CNBD1: variants seen among roughly 807,000 people sequenced by gnomAD.
The protein encoded by CNBD1 is cyclic nucleotide-binding domain-containing protein 1.
CNBD1 carries 71 observed loss-of-function variants against 54.4 expected under a neutral mutation model. That is an observed-to-expected ratio of 1.30 (90% CI 1.08 to 1.59). The LOEUF is 1.59. CNBD1 is among the 40% of genes most tolerant of loss of function. The pLI, the probability that CNBD1 is intolerant of heterozygous loss-of-function variation, is 0.00. For missense variants in CNBD1, 659 were observed against 518.0 expected (o/e 1.27, Z -2.64); for synonymous variants, 182 against 170.7 (o/e 1.07, Z -0.51).
At chr8:87,238,917 C>G (rs1807634906) in intron 6 of CNBD1, among the ~76,000 whole-genome samples, 1 of 152,020 alleles carries the variant, frequency 6.6e-6, no homozygotes. Context: ...ATGCCATGGT[C>G]CTTATAAATA....
intron 4 of CNBD1, among the ~76,000 whole-genome samples, chr8:86,964,496 C>T (rs181617780): frequency 6.6e-6 from 1 of 152,332 alleles, no homozygotes; most frequent in Non-Finnish European, 1.5e-5. Context: ...GACATCCTTC[C>T]ATGAGAGTTC....
intron 4 of CNBD1, among the ~76,000 whole-genome samples, chr8:86,992,158 C>T (rs1808764248): frequency 6.6e-6 from 1 of 152,038 alleles, no homozygotes; most frequent in South Asian, 2.1e-4. Context: ...TTTCATAGGT[C>T]AAGGATAACT....
chr8:87,214,523 C>T (rs1158406551), intron 5 of CNBD1, among the ~76,000 whole-genome samples: 3 of 152,138 alleles, frequency 2.0e-5, no homozygotes, highest in Non-Finnish European at 4.4e-5. Context: ...ACCTGTTACC[C>T]AGTTTCAAAA....
chr8:86,869,478 C>T (rs1175505530), intron 1 of CNBD1, among the ~76,000 whole-genome samples: 2 of 152,208 alleles, frequency 1.3e-5, no homozygotes, highest in Non-Finnish European at 2.9e-5. Context: ...AACCCTCCTC[C>T]ACTGCTATCT....
At chr8:87,150,700 T>A (rs995942900) in intron 4 of CNBD1, among the ~76,000 whole-genome samples, 10 of 152,122 alleles carry the variant, frequency 6.6e-5, no homozygotes, top group African/African-American at 2.2e-4. Context: ...TACTACAGAA[T>A]GTTGTGGGGA....
At chr8:87,351,875 A>T in intron 9 of CNBD1, 81 bp downstream of exon 9, 1 of 1,245,026 alleles carries the variant, frequency 8.0e-7, no homozygotes, top group South Asian at 2.3e-5. Flanking sequence ...TGTACTTACT[A>T]GACATTTATT....
At chr8:86,920,489 C>G (rs1057230887) in intron 3 of CNBD1, among the ~76,000 whole-genome samples, 2 of 152,094 alleles carry the variant, frequency 1.3e-5, no homozygotes, top group Non-Finnish European at 1.5e-5. Context: ...ACCACCAACA[C>G]AGAACTTAAT....
chr8:87,112,960 A>G (rs369079927), intron 4 of CNBD1, among the ~76,000 whole-genome samples: 2 of 152,178 alleles, frequency 1.3e-5, no homozygotes, highest in African/African-American at 4.8e-5. Flanking sequence ...GAAGATCAGG[A>G]TGGGGGAAGA....
intron 4 of CNBD1, among the ~76,000 whole-genome samples, chr8:87,085,085 T>C (rs189750726): frequency 2.4e-3 from 365 of 152,350 alleles, no homozygotes; most frequent in African/African-American, 8.5e-3. Flanking sequence ...CATTATCTTT[T>C]CAAGTATTTC....
intron 4 of CNBD1, among the ~76,000 whole-genome samples, chr8:87,066,487 C>A (rs530398809): frequency 6.6e-6 from 1 of 151,838 alleles, no homozygotes; most frequent in Non-Finnish European, 1.5e-5. Flanking sequence ...ATCAGTCTTG[C>A]CTCTATGAAG....
At chr8:87,400,288 T>C (rs1158674558) in intron 2 of CNBD1, among the ~76,000 whole-genome samples, 1 of 152,036 alleles carries the variant, frequency 6.6e-6, no homozygotes, top group Non-Finnish European at 1.5e-5. Context: ...TAATAATTTC[T>C]CTGATTTACA....
intron 10 of CNBD1, among the ~76,000 whole-genome samples, chr8:87,364,144 A>C (rs1484442342): frequency 6.6e-6 from 1 of 151,802 alleles, no homozygotes; most frequent in Non-Finnish European, 1.5e-5. Flanking sequence ...CATTTTGAAC[A>C]TCTTGCTGAC....
intron 9 of CNBD1, among the ~76,000 whole-genome samples, chr8:87,352,478 C>CAAAAAAAAAAAA (rs386413278): frequency 9.3e-6 from 1 of 107,494 alleles, no homozygotes. Flanking sequence ...GACTCTGTCT[C>CAAAAAAAAAAAA]AAAAAAAAAA....
chr8:87,421,220 CCTTTT>C (rs1246306093), intron 2 of CNBD1, among the ~76,000 whole-genome samples: 5 of 149,612 alleles, frequency 3.3e-5, no homozygotes, highest in Non-Finnish European at 6.0e-5. Context: ...ATCTCATTTT[CCTTTT>C]CTTTTTTATT....
intron 2 of CNBD1, among the ~76,000 whole-genome samples, chr8:86,902,385 G>A (rs1008682260): frequency 3.9e-5 from 6 of 152,006 alleles, no homozygotes; most frequent in African/African-American, 1.4e-4. Context: ...GACTTCTGTA[G>A]AAAACTACAG....
chr8:86,940,132 C>CTTTTTTTTTTTTTT lies in CNBD1; in HGVS notation c.431+384_431+397dup, dbSNP rs10671983. 5.4e-4 allele frequency among the ~76,000 whole-genome samples: 48 copies of CTTTTTTTTTTTTTT among 88,730 alleles called. 2 individuals are homozygous for CTTTTTTTTTTTTTT. The highest frequency in any genetic ancestry group is 7.7e-4 in the East Asian group (2 of 2,602). 58.2% of individuals were successfully genotyped at this position (88,730 alleles called of 152,430 possible). ...CTTTAAATAAACTTACCACATGTTACTTTTTTTTTTTTTTTTTTTGAGACT... is the reference window on the plus strand; with the variant it reads ...CTTTAAATAAACTTACCACATGTTACTTTTTTTTTTTTTTTTTTTTTTTTTTTTTTTTTGAGACT... On this transcript the variant is annotated intron_variant, in intron 4 of 10. Transcript: ENST00000518476.
intron 10 of CNBD1, among the ~76,000 whole-genome samples, chr8:87,374,076 C>G (rs924017168): frequency 1.3e-5 from 2 of 151,458 alleles, no homozygotes; most frequent in Non-Finnish European, 3.0e-5. Flanking sequence ...AAACTAATCC[C>G]CTAAAAAATT....
chr8:87,285,507 G>T (rs962364538), intron 7 of CNBD1, among the ~76,000 whole-genome samples: 4 of 152,282 alleles, frequency 2.6e-5, no homozygotes, highest in Middle Eastern at 3.4e-3. Flanking sequence ...GGAGGCCGAG[G>T]AGGGTGTATC....
At chr8:87,424,261 G>A (rs1250229549) in intron 2 of CNBD1, among the ~76,000 whole-genome samples, 1 of 151,722 alleles carries the variant, frequency 6.6e-6, no homozygotes, top group African/African-American at 2.4e-5. Context: ...AGGGTTTTTT[G>A]TGTCTCTATT....
Sources: allele counts gnomAD v4.1 joint callset (sites outside exome capture counted in the v4.1 genomes callset), GRCh38; gene constraint gnomAD v4.1.1; transcripts MANE v1.5; gene names NCBI Gene and HGNC (gene_info 2026-07-23, HGNC 2026-07-21).